ST7L: variants seen among roughly 807,000 people sequenced by gnomAD.
The protein encoded by ST7L is suppression of tumorigenicity 7 like.
A neutral mutation model predicts 72.5 loss-of-function variants in ST7L; 57 were observed. That is an observed-to-expected ratio of 0.79 (90% CI 0.64 to 0.98). The LOEUF is 0.98. Among genes scored for constraint, ST7L ranks in the 50% least tolerant of loss-of-function variants. The probability of loss-of-function intolerance (pLI) is 0.00; values close to 1 mark genes in which losing one functional copy is unlikely to be tolerated. For synonymous variants in ST7L, 221 were observed against 240.9 expected (o/e 0.92, Z 0.77); for missense variants, 576 against 672.2 (o/e 0.86, Z 1.58).
intron 14 of ST7L, 127 bp downstream of exon 14, chr1:112,541,824 A>G: frequency 1.4e-6 from 2 of 1,452,462 alleles, no homozygotes; most frequent in Non-Finnish European, 1.8e-6. Flanking sequence ...GCAACTATAT[A>G]CAAATCAATT....
intron 11 of ST7L, among the ~76,000 whole-genome samples, chr1:112,570,545 GTA>G (rs71584748): frequency 0.029 from 3,795 of 130,770 alleles, 106 homozygotes; most frequent in African/African-American, 0.067. Context: ...AATAAAAGAT[GTA>G]TATATATATA....
chr1:112,559,518 C>A (rs561970287), intron 11 of ST7L, among the ~76,000 whole-genome samples: 9 of 151,816 alleles, frequency 5.9e-5, no homozygotes, highest in Admixed American at 2.0e-4. Context: ...AGGCATGAGC[C>A]ACCACGCCTG....
intron 13 of ST7L, among the ~76,000 whole-genome samples, chr1:112,543,340 G>A (rs897640013): frequency 3.9e-5 from 6 of 151,966 alleles, no homozygotes; most frequent in African/African-American, 1.2e-4. Context: ...ACGAGGTCAG[G>A]AGATCGAGAC....
chr1:112,546,495 T>C (rs1246718389), intron 13 of ST7L, among the ~76,000 whole-genome samples: 5 of 151,988 alleles, frequency 3.3e-5, no homozygotes, highest in Non-Finnish European at 5.9e-5. Flanking sequence ...AAGAATGAAG[T>C]GGATACACTG....
intron 11 of ST7L, among the ~76,000 whole-genome samples, chr1:112,565,895 C>CA (rs1168541297): frequency 6.6e-6 from 1 of 151,994 alleles, no homozygotes; most frequent in Non-Finnish European, 1.5e-5. Flanking sequence ...CCTGTAGTCC[C>CA]AGCTACTAGG....
rs1653248493 is a variant in ST7L, at chr1:112,525,424, C to A, written c.*589G>T. 6.6e-6 allele frequency: 1 copy of A among 152,426 alleles called. No individual in the cohort carries two copies. The highest frequency in any genetic ancestry group is 2.4e-5 in the African/African-American group (1 of 41,458). 9.4% of individuals were successfully genotyped at this position (152,426 alleles called of 1,614,324 possible). A position where few individuals can be genotyped will look rare whatever the true frequency, so the allele number is the denominator to read the frequency against. On this transcript the variant is annotated 3_prime_UTR_variant, in exon 15 of 15. Transcript: ENST00000358039. ...GTGGGGTGTCAGTAATATGCCCTGTCCCTGACCTCAAAGGTAAAGGGATAG... is the reference window on the plus strand; with the variant it reads ...GTGGGGTGTCAGTAATATGCCCTGTACCTGACCTCAAAGGTAAAGGGATAG...
chr1:112,605,965 G>C (rs945538405), intron 3 of ST7L, among the ~76,000 whole-genome samples: 6 of 152,186 alleles, frequency 3.9e-5, no homozygotes, highest in African/African-American at 1.2e-4. Context: ...GTTGACAATT[G>C]AACAGCTCTA....
rs1308318369 is a variant in ST7L at position 112,568,887 on chromosome 1, T to TATAA, written c.1245+8098_1245+8099insTTAT. ...ATATATATATATATATATATATATA[T>TATAA]AAAACAAAAATTTAAAAATATGCAA... On this transcript the variant is annotated intron_variant, in intron 11 of 14. Transcript: ENST00000358039. 3.3e-4 allele frequency among the ~76,000 whole-genome samples: 44 copies of TATAA among 131,534 alleles called. 1 individual carries two copies. The East Asian group carries it at 5.6e-3, about 17-fold the overall frequency. 86.3% of individuals were successfully genotyped at this position (131,534 alleles called of 152,430 possible).
At chr1:112,542,997 G>T (rs2101419252) in intron 13 of ST7L, among the ~76,000 whole-genome samples, 1 of 151,974 alleles carries the variant, frequency 6.6e-6, no homozygotes, top group East Asian at 1.9e-4. Context: ...GAGGGGTTTT[G>T]CCATGTTGGC....
chr1:112,599,892 A>G (rs1667132151), intron 4 of ST7L, among the ~76,000 whole-genome samples: 1 of 152,170 alleles, frequency 6.6e-6, no homozygotes, highest in African/African-American at 2.4e-5. Flanking sequence ...AGTTTGATGT[A>G]ATGTTTCTTA....
At chr1:112,582,346 T>A (rs1206499032) in intron 8 of ST7L, 29 bp downstream of exon 8, 1 of 1,482,446 alleles carries the variant, frequency 6.7e-7, no homozygotes, top group Non-Finnish European at 9.3e-7. Flanking sequence ...GAGGAATAAA[T>A]GTAATAGTCC....
intron 6 of ST7L, among the ~76,000 whole-genome samples, chr1:112,584,374 T>G (rs1015049676): frequency 2.0e-5 from 3 of 152,152 alleles, no homozygotes; most frequent in Non-Finnish European, 2.9e-5. Flanking sequence ...AAAACAAAAT[T>G]TTTAAACTTC....
upstream of ST7L, chr1:112,619,242 GAGA>G (rs1030124502): frequency 2.6e-5 from 22 of 861,238 alleles, no homozygotes; most frequent in African/African-American, 2.0e-4. Flanking sequence ...AACCGGGACC[GAGA>G]AGATTTCGAA....
chr1:112,550,300 TCCTC>T (rs1183763126), intron 13 of ST7L, among the ~76,000 whole-genome samples: 2 of 152,228 alleles, frequency 1.3e-5, no homozygotes, highest in African/African-American at 4.8e-5. Context: ...GAGTATTCCT[TCCTC>T]ATTTATTTTC....
At chr1:112,531,203 T>C (rs1205842615) in intron 14 of ST7L, among the ~76,000 whole-genome samples, 1 of 152,228 alleles carries the variant, frequency 6.6e-6, no homozygotes, top group Non-Finnish European at 1.5e-5. Flanking sequence ...TAATCTGTCA[T>C]TATTAGGAAT....
rs147013547 is a variant in ST7L at position 112,542,957 on chromosome 1, G to A, written c.1490-867C>T. ...TGGGATTACATGCACAGGCCACTAC[G>A]CCCAGCTACTTTTTTGTATTTTTAG... On this transcript the variant is annotated intron_variant, in intron 13 of 14. Coordinates refer to ENST00000358039, the MANE Select transcript of ST7L (RefSeq NM_017744.5). 4.3e-3 allele frequency among the ~76,000 whole-genome samples: 650 copies of A among 151,946 alleles called. 3 individuals carry two copies. Among genetic ancestry groups the A allele is most frequent in the African/African-American group, 0.012 (510 of 41,444 alleles).
chr1:112,589,637 C>T (rs577186159), intron 6 of ST7L, among the ~76,000 whole-genome samples: 23 of 152,230 alleles, frequency 1.5e-4, no homozygotes, highest in African/African-American at 5.1e-4. Flanking sequence ...ATTTTAGCCT[C>T]GTGGTCAGTT....
At chr1:112,551,242 G>A (rs1658118827) in intron 12 of ST7L, among the ~76,000 whole-genome samples, 1 of 143,962 alleles carries the variant, frequency 6.9e-6, no homozygotes, top group African/African-American at 2.6e-5. Flanking sequence ...TCTGCCTCCT[G>A]GGTTCACGCC....
At chr1:112,571,401 A>ATATC (rs929725142) in intron 11 of ST7L, 1 of 431,826 alleles carries the variant, frequency 2.3e-6, no homozygotes, top group Non-Finnish European at 4.6e-6. Context: ...GTGTGTATGT[A>ATATC]TATCTATCTA....
Sources: gnomAD v4.1 joint callset for allele counts (sites outside exome capture counted in the v4.1 genomes callset) on GRCh38, gnomAD v4.1.1 for gene constraint, MANE v1.5 for transcripts, NCBI Gene and HGNC (gene_info 2026-07-23, HGNC 2026-07-21) for gene names.